KCNJ3: variants seen among roughly 807,000 people sequenced by gnomAD.
KCNJ3 encodes G protein-activated inward rectifier potassium channel 1.
In KCNJ3, 4 loss-of-function variants were observed where a neutral mutation model predicts 39.2. The ratio of observed to expected loss-of-function variants is 0.10; its 90% CI spans 0.05 to 0.23. The LOEUF is 0.23. KCNJ3 is among the 10% of genes least tolerant of loss of function. The pLI, the probability that KCNJ3 is intolerant of heterozygous loss-of-function variation, is 1.00. For synonymous variants in KCNJ3, 230 were observed against 237.4 expected, an observed-to-expected ratio of 0.97 and a Z score of 0.29; for missense variants, 276 against 634.9, an observed-to-expected ratio of 0.43 and a Z score of 6.08.
At chr2:154,835,229 C>T (rs989085072) in intron 2 of KCNJ3, among the ~76,000 whole-genome samples, 2 of 151,676 alleles carry the variant, frequency 1.3e-5, no homozygotes, top group African/African-American at 4.8e-5. Context: ...TTAATCATTA[C>T]AGTTTATATA....
In KCNJ3 at chr2:154,706,647, T is replaced by G. The variant is rs182278138; in HGVS notation, c.703-2956T>G. Among the ~76,000 whole-genome samples the G allele has an allele frequency of 2.5e-3, 388 of 152,252 alleles. 7 individuals are homozygous for G. The highest frequency in any genetic ancestry group is 8.9e-3 in the African/African-American group (372 of 41,566). ...GATTTAAAACTAACTCATAGGCTTT[T>G]TTTTTCCTCCTGCAAATCCCCAGAA... is the stretch of plus-strand genomic sequence containing the variant. On this transcript the variant is annotated intron_variant, in intron 1 of 2. Coordinates refer to ENST00000295101, the MANE Select transcript of KCNJ3 (RefSeq NM_002239.4).
intron 2 of KCNJ3, among the ~76,000 whole-genome samples, chr2:154,841,552 C>T (rs1323673428): frequency 6.6e-6 from 1 of 152,102 alleles, no homozygotes; most frequent in Non-Finnish European, 1.5e-5. Context: ...GCTATGAATC[C>T]GTCTGGTCCT....
In KCNJ3 at chr2:154,773,552, C is replaced by T. The variant is rs151215711; in HGVS notation, c.919+63733C>T. 1.2e-3 allele frequency among the ~76,000 whole-genome samples: 190 copies of T among 152,242 alleles called. 1 individual carries two copies. Among genetic ancestry groups the T allele is most frequent in the Admixed American group, 0.011 (170 of 15,280 alleles). On this transcript the variant is annotated intron_variant, in intron 2 of 2. Coordinates refer to ENST00000295101, the MANE Select transcript of KCNJ3 (RefSeq NM_002239.4). ...TTTAGTTCCATGGTGCTGCCATATT[C>T]ACTTGTTCTTCCACATGCCAAGGAC...
At chr2:154,829,694 T>C (rs946019278) in intron 2 of KCNJ3, among the ~76,000 whole-genome samples, 4 of 152,152 alleles carry the variant, frequency 2.6e-5, no homozygotes, top group African/African-American at 9.6e-5. Context: ...TTTTGAGGAA[T>C]TGCCATGCTG....
Position 154,699,562 on chromosome 2 carries a change from C to T in KCNJ3, c.702+85C>T. On this transcript the variant is annotated intron_variant, in intron 1 of 2. Transcript: ENST00000295101. The surrounding 1 kb of genome is among the most constrained non-coding windows in gnomAD (Gnocchi z 6.4). ...ACTCGTCTGAGAACCAGCCCGGGCCCCCTCCCCTGGTTCTACCTATAGCCA... is the reference window on the plus strand; with the variant it reads ...ACTCGTCTGAGAACCAGCCCGGGCCTCCTCCCCTGGTTCTACCTATAGCCA... 6.8e-7 allele frequency: 1 copy of T among 1,478,818 alleles called. No individual in the cohort carries two copies. The highest frequency in any genetic ancestry group is 9.0e-7 in the Non-Finnish European group (1 of 1,116,368). The allele number at this position is 1,478,818 out of a possible 1,614,324, so 91.6% of individuals were successfully genotyped here.
intron 1 of KCNJ3, among the ~76,000 whole-genome samples, chr2:154,700,757 T>C (rs949235400): frequency 4.6e-5 from 7 of 152,328 alleles, no homozygotes; most frequent in South Asian, 2.1e-4. Context: ...ATTTTCATTA[T>C]TCACTTACAA....
intron 2 of KCNJ3, among the ~76,000 whole-genome samples, chr2:154,732,830 C>T (rs1685468514): frequency 6.6e-6 from 1 of 152,116 alleles, no homozygotes; most frequent in South Asian, 2.1e-4. Context: ...GCATTATTTA[C>T]AGATCACTTG....
chr2:154,823,704 C>T lies in KCNJ3; in HGVS notation c.920-31023C>T, dbSNP rs556473921. ...CTCTTAAGTGGTGTCCCCAATCTTA[C>T]TCAGCCCAATTTAAATTAGTTTCCT... On this transcript the variant is annotated intron_variant, in intron 2 of 2. Transcript: ENST00000295101. 8.5e-5 allele frequency among the ~76,000 whole-genome samples: 13 copies of T among 152,250 alleles called. 1 individual carries two copies. The Middle Eastern group carries it at 0.02, about 239-fold the overall frequency.
intron 2 of KCNJ3, among the ~76,000 whole-genome samples, chr2:154,735,272 T>A (rs1685510259): frequency 1.7e-5 from 2 of 117,356 alleles, no homozygotes; most frequent in African/African-American, 3.1e-5. Flanking sequence ...TTTTCTTTCT[T>A]TCTTTTTTTT....
intron 2 of KCNJ3, among the ~76,000 whole-genome samples, chr2:154,822,385 G>A (rs1242826547): frequency 6.6e-6 from 1 of 152,078 alleles, no homozygotes; most frequent in Non-Finnish European, 1.5e-5. Context: ...AACTGACCTA[G>A]GATGACATTT....
intron 2 of KCNJ3, among the ~76,000 whole-genome samples, chr2:154,764,944 C>T (rs796463010): frequency 3.3e-5 from 5 of 152,240 alleles, no homozygotes; most frequent in African/African-American, 9.6e-5. Context: ...ATGCTCTCCA[C>T]CCCCCAAACA....
chr2:154,702,526 T>A (rs898532739), intron 1 of KCNJ3, among the ~76,000 whole-genome samples: 64 of 152,056 alleles, frequency 4.2e-4, no homozygotes, highest in African/African-American at 1.5e-3. Flanking sequence ...TGATGGAAGT[T>A]TTTTGTAAAA....
chr2:154,782,974 C>T (rs558664830), intron 2 of KCNJ3, among the ~76,000 whole-genome samples: 4 of 152,150 alleles, frequency 2.6e-5, no homozygotes, highest in East Asian at 1.9e-4. Flanking sequence ...GGCAGGAGTT[C>T]GAGACCAGCC....
intron 2 of KCNJ3, among the ~76,000 whole-genome samples, chr2:154,727,019 G>C (rs1218185969): frequency 6.6e-6 from 1 of 152,018 alleles, no homozygotes; most frequent in Non-Finnish European, 1.5e-5. Flanking sequence ...AAGAGGAAAG[G>C]GTGGGAGGGG....
intron 2 of KCNJ3, among the ~76,000 whole-genome samples, chr2:154,746,081 G>A (rs1269871629): frequency 6.6e-6 from 1 of 151,712 alleles, no homozygotes; most frequent in East Asian, 1.9e-4. Context: ...AACATGACAA[G>A]AATGAATACC....
chr2:154,762,293 G>A (rs1443301210), intron 2 of KCNJ3, among the ~76,000 whole-genome samples: 3 of 152,198 alleles, frequency 2.0e-5, no homozygotes, highest in African/African-American at 7.2e-5. Context: ...TAATAAAAAA[G>A]TGCCTTTAAT....
rs1686820305 is a variant in KCNJ3 at position 154,801,596 on chromosome 2, T to C, written c.920-53131T>C. ...CTCTGTCTCTCTCTTTCTTTCCCTT[T>C]CTTTCTTTCTTTCTCTTTTTTTTGG... On this transcript the variant is annotated intron_variant, in intron 2 of 2. Transcript: ENST00000295101. 2.0e-5 allele frequency among the ~76,000 whole-genome samples: 3 copies of C among 149,600 alleles called. 1 individual carries two copies. In the South Asian group the frequency reaches 6.3e-4, roughly 31 times the overall value.
chr2:154,770,325 A>G (rs1686217092), intron 2 of KCNJ3, among the ~76,000 whole-genome samples: 1 of 152,214 alleles, frequency 6.6e-6, no homozygotes, highest in Non-Finnish European at 1.5e-5. Flanking sequence ...TAGAAAGAGG[A>G]GTAGAATTCA....
chr2:154,720,749 G>A (rs995811570), intron 2 of KCNJ3, among the ~76,000 whole-genome samples: 9 of 152,092 alleles, frequency 5.9e-5, no homozygotes, highest in Non-Finnish European at 1.0e-4. Context: ...ACTAGAGAAG[G>A]TTTGGACCTT....
Sources: gnomAD v4.1 joint callset for allele counts (sites outside exome capture counted in the v4.1 genomes callset) on GRCh38, gnomAD v4.1.1 for gene constraint, Gnocchi (gnomAD v3.1) non-coding constraint, MANE v1.5 for transcripts, NCBI Gene and HGNC (gene_info 2026-07-23, HGNC 2026-07-21) for gene names.